KCNJ1: variants seen among roughly 807,000 people sequenced by gnomAD.
The protein encoded by KCNJ1 is ATP-sensitive inward rectifier potassium channel 1.
Under a neutral mutation model 21.9 loss-of-function variants are expected in KCNJ1, and 24 were observed. The ratio of observed to expected loss-of-function variants is 1.10; its 90% CI spans 0.79 to 1.54. The LOEUF (loss-of-function observed/expected upper bound fraction) is 1.54, where lower values mean the gene tolerates loss of function less well. Among genes scored for constraint, KCNJ1 ranks in the 40% most tolerant of loss-of-function variants. The pLI is 0.00. For missense variants in KCNJ1, 457 were observed against 455.4 expected, an observed-to-expected ratio of 1.00 and a Z score of -0.03; for synonymous variants, 152 against 160.9, an observed-to-expected ratio of 0.94 and a Z score of 0.42.
chr11:128,847,334 T>C lies in KCNJ1; in HGVS notation c.-22+3387A>G, dbSNP rs190590045. ...CTGGTGCTTTCTGACTGGAGGGCACTGACCACTGAAGACCCTAAGAGCACA... is the reference window on the plus strand; with the variant it reads ...CTGGTGCTTTCTGACTGGAGGGCACCGACCACTGAAGACCCTAAGAGCACA... On this transcript the variant is annotated intron_variant, in intron 2 of 2. Coordinates refer to ENST00000392666, the MANE Select transcript of KCNJ1 (RefSeq NM_153766.3). Among the ~76,000 whole-genome samples, 9 of 152,300 alleles carry C rather than the reference T, an allele frequency of 5.9e-5. No individual in the cohort carries two copies. The East Asian group carries it at 1.4e-3, about 23-fold the overall frequency.
intron 2 of KCNJ1, among the ~76,000 whole-genome samples, chr11:128,846,156 C>T (rs1409705382): frequency 6.6e-6 from 1 of 152,108 alleles, no homozygotes; most frequent in Non-Finnish European, 1.5e-5. Context: ...GCTTCTAGCT[C>T]GGGTTAGCAC....
Position 128,839,008 on chromosome 11 carries a change from G to T in KCNJ1, c.*117C>A. The T allele has an allele frequency of 1.1e-6, 1 of 874,718 alleles. No individual in the cohort carries two copies. The highest frequency in any genetic ancestry group is 1.8e-6 in the Non-Finnish European group (1 of 544,804). 54.2% of individuals were successfully genotyped at this position (874,718 alleles called of 1,614,324 possible). ...GCGGGGCTCAGGGGTCTTTGTGCTG[G>T]TAGACTTTGAAGGCTCTCATCCTAC... On this transcript the variant is annotated 3_prime_UTR_variant, in exon 3 of 3. Transcript: ENST00000392666.
intron 1 of KCNJ1, among the ~76,000 whole-genome samples, chr11:128,854,124 G>A (rs1028978966): frequency 1.3e-4 from 18 of 142,898 alleles, no homozygotes; most frequent in African/African-American, 4.5e-4. Context: ...GGCAGCTCCA[G>A]GGTGAAGTCC....
rs114785184 is a variant in KCNJ1 at position 128,856,715 on chromosome 11, C to T, written c.-191-5825G>A. ...GAGTCAAGCAAAACCTTGATTCACC[C>T]TTAATTCTTTTCTTCCTCTCACCTC... On this transcript the variant is annotated intron_variant, in intron 1 of 2. Transcript: ENST00000392666. Among the ~76,000 whole-genome samples the T allele has an allele frequency of 2.8e-3, 420 of 152,328 alleles. 1 individual carries two copies. The highest frequency in any genetic ancestry group is 9.8e-3 in the African/African-American group (407 of 41,574).
rs78309463 is a variant in KCNJ1, at chr11:128,858,695, G to A, written c.-191-7805C>T. 3.3e-4 allele frequency among the ~76,000 whole-genome samples: 51 copies of A among 152,276 alleles called. 1 individual carries two copies. The East Asian group carries it at 7.0e-3, about 21-fold the overall frequency. On this transcript the variant is annotated intron_variant, in intron 1 of 2. Coordinates refer to ENST00000392666, the MANE Select transcript of KCNJ1 (RefSeq NM_153766.3). ...CCAGGGGTAAACTCAGTAGTTTACG[G>A]AGCGTCTATGTCACTCTGTGACATA...
At chr11:128,848,085 G>A (rs1242738237) in intron 2 of KCNJ1, among the ~76,000 whole-genome samples, 4 of 151,864 alleles carry the variant, frequency 2.6e-5, no homozygotes, top group Non-Finnish European at 4.4e-5. Context: ...TCAGGAGATC[G>A]AGACCATCCT....
intron 2 of KCNJ1, among the ~76,000 whole-genome samples, chr11:128,841,452 C>G (rs139437198): frequency 6.6e-6 from 1 of 152,230 alleles, no homozygotes; most frequent in Non-Finnish European, 1.5e-5. Flanking sequence ...TGGTGAAGGG[C>G]CTGTCCCATA....
chr11:128,841,726 C>T (rs1943284916), intron 2 of KCNJ1, among the ~76,000 whole-genome samples: 1 of 152,144 alleles, frequency 6.6e-6, no homozygotes, highest in South Asian at 2.1e-4. Flanking sequence ...CTTAACCCAG[C>T]TGAAAACACA....
intron 1 of KCNJ1, among the ~76,000 whole-genome samples, chr11:128,860,956 T>C (rs1373886584): frequency 6.6e-5 from 10 of 152,146 alleles, no homozygotes; most frequent in Admixed American, 6.5e-4. Flanking sequence ...ATGCACCATG[T>C]AGAGGATTAT....
chr11:128,838,805 C>G lies in KCNJ1; in HGVS notation c.*320G>C, dbSNP rs781552185. 1 of 307,358 alleles carries G rather than the reference C, an allele frequency of 3.3e-6. No homozygotes were observed. Among genetic ancestry groups the G allele is most frequent in the Non-Finnish European group, 6.0e-6 (1 of 165,298 alleles). The allele number at this position is 307,358 out of a possible 1,614,324, so 19.0% of individuals were successfully genotyped here. ...AACTTTAAAAAATATTTTGTTTGGCCTGTTCATGAAACTTTTGATAATTTT... is the reference window on the plus strand; with the variant it reads ...AACTTTAAAAAATATTTTGTTTGGCGTGTTCATGAAACTTTTGATAATTTT... On this transcript the variant is annotated 3_prime_UTR_variant, in exon 3 of 3. Transcript: ENST00000392666.
At chr11:128,844,118 G>A (rs930069700) in intron 2 of KCNJ1, among the ~76,000 whole-genome samples, 6 of 152,182 alleles carry the variant, frequency 3.9e-5, no homozygotes, top group Admixed American at 2.6e-4. Context: ...TAAAATCAAT[G>A]AGCTTACTGT....
At chr11:128,843,438 T>C (rs1315446380) in intron 2 of KCNJ1, among the ~76,000 whole-genome samples, 2 of 152,234 alleles carry the variant, frequency 1.3e-5, no homozygotes. Context: ...ACAAGCGGAT[T>C]ACATTACTGC....
intron 1 of KCNJ1, among the ~76,000 whole-genome samples, chr11:128,860,171 A>G (rs1400967235): frequency 6.6e-6 from 1 of 152,234 alleles, no homozygotes; most frequent in Non-Finnish European, 1.5e-5. Flanking sequence ...GATGCTATCT[A>G]CTTCCCAGGG....
At chr11:128,864,994 G>T (rs990218977) in intron 1 of KCNJ1, among the ~76,000 whole-genome samples, 8 of 152,010 alleles carry the variant, frequency 5.3e-5, no homozygotes, top group Non-Finnish European at 8.8e-5. Context: ...TCACATACTA[G>T]GTCCTTCATC....
At chr11:128,843,136 A>G (rs1943317339) in intron 2 of KCNJ1, among the ~76,000 whole-genome samples, 1 of 152,208 alleles carries the variant, frequency 6.6e-6, no homozygotes, top group African/African-American at 2.4e-5. Flanking sequence ...ATTCTTAGAG[A>G]ATGCAATGAT....
At chr11:128,848,237 AAGATCGCAC>A (rs1467962294) in intron 2 of KCNJ1, among the ~76,000 whole-genome samples, 7 of 150,514 alleles carry the variant, frequency 4.7e-5, no homozygotes. Context: ...GCAGTGAGCC[AAGATCGCAC>A]CACTGCACTC....
At chr11:128,848,726 T>G (rs1251590974) in intron 2 of KCNJ1, among the ~76,000 whole-genome samples, 1 of 152,196 alleles carries the variant, frequency 6.6e-6, no homozygotes, top group Non-Finnish European at 1.5e-5. Flanking sequence ...TGGGAGCTAC[T>G]TGGCTATACT....
At chr11:128,840,690 C>G (rs1167657385) in intron 2 of KCNJ1, among the ~76,000 whole-genome samples, 2 of 152,140 alleles carry the variant, frequency 1.3e-5, no homozygotes, top group Non-Finnish European at 2.9e-5. Context: ...AAACTTGAAG[C>G]ATTATGTATG....
intron 2 of KCNJ1, among the ~76,000 whole-genome samples, chr11:128,841,324 G>T (rs1390074530): frequency 6.6e-6 from 1 of 152,190 alleles, no homozygotes; most frequent in East Asian, 1.9e-4. Flanking sequence ...AGTGCCTACT[G>T]TTTATTCAGT....
Sources: allele counts gnomAD v4.1 joint callset (sites outside exome capture counted in the v4.1 genomes callset), GRCh38; gene constraint gnomAD v4.1.1; transcripts MANE v1.5; gene names NCBI Gene and HGNC (gene_info 2026-07-23, HGNC 2026-07-21).